The following ARID1B variants were observed in gnomAD, a reference collection of about 807,000 sequenced individuals.
ARID1B encodes the protein AT-rich interactive domain-containing protein 1B.
ARID1B carries 30 observed loss-of-function variants against 212.3 expected under a neutral mutation model. The ratio of observed to expected loss-of-function variants is 0.14; its 90% CI spans 0.11 to 0.19. The LOEUF is 0.19. Among genes scored for constraint, ARID1B ranks in the 10% least tolerant of loss-of-function variants. The pLI, the probability that ARID1B is intolerant of heterozygous loss-of-function variation, is 1.00. For missense variants in ARID1B, 2,891 were observed against 3,204.0 expected (o/e 0.90, Z 2.36); for synonymous variants, 1,402 against 1,301.7 (o/e 1.08, Z -1.66).
intron 4 of ARID1B, among the ~76,000 whole-genome samples, chr6:157,021,228 C>G (rs1424098578): frequency 1.3e-5 from 2 of 152,238 alleles, no homozygotes; most frequent in African/African-American, 4.8e-5. Flanking sequence ...GCCTTGGTTT[C>G]TTTTGTTTTA....
At chr6:156,857,293 C>A (rs956676178) in intron 2 of ARID1B, among the ~76,000 whole-genome samples, 29 of 152,280 alleles carry the variant, frequency 1.9e-4, no homozygotes, top group Non-Finnish European at 4.0e-4. Context: ...GATTCTGTCA[C>A]CCGCAATTTC....
chr6:157,061,825 T>TA (rs1783360675), intron 4 of ARID1B, among the ~76,000 whole-genome samples: 1 of 152,178 alleles, frequency 6.6e-6, no homozygotes, highest in African/African-American at 2.4e-5. Flanking sequence ...TTTCACAGCA[T>TA]AAAAAAGCCT....
intron 1 of ARID1B, among the ~76,000 whole-genome samples, chr6:156,813,229 G>C (rs531825704): frequency 7.1e-4 from 106 of 149,896 alleles, no homozygotes; most frequent in Middle Eastern, 3.5e-3. Flanking sequence ...TCAGCCTCCC[G>C]AGTAGCTACA....
chr6:156,994,024 C>T (rs933813930), intron 4 of ARID1B, among the ~76,000 whole-genome samples: 1 of 152,164 alleles, frequency 6.6e-6, no homozygotes, highest in Non-Finnish European at 1.5e-5. Context: ...TATGTAGGAA[C>T]GTGAAGTTTG....
chr6:157,052,114 G>A (rs1782647513), intron 4 of ARID1B, among the ~76,000 whole-genome samples: 1 of 152,156 alleles, frequency 6.6e-6, no homozygotes, highest in Admixed American at 6.5e-5. Flanking sequence ...AATGACGTAG[G>A]AAAATGTCTC....
intron 4 of ARID1B, among the ~76,000 whole-genome samples, chr6:157,017,959 T>C (rs1780002990): frequency 1.5e-5 from 1 of 68,890 alleles, no homozygotes; most frequent in Non-Finnish European, 3.0e-5. Context: ...AGACACCATC[T>C]CTACAAAAAA....
At chr6:157,087,856 G>A (rs1339252707) in intron 5 of ARID1B, among the ~76,000 whole-genome samples, 5 of 151,324 alleles carry the variant, frequency 3.3e-5, no homozygotes, top group Non-Finnish European at 7.4e-5. Flanking sequence ...AGAAGGTTAA[G>A]AGGAAGACCG....
chr6:156,872,518 G>A (rs1028085918), intron 2 of ARID1B, among the ~76,000 whole-genome samples: 3 of 151,906 alleles, frequency 2.0e-5, no homozygotes, highest in Non-Finnish European at 4.4e-5. Context: ...ATGGGGTTTC[G>A]TCATGTTGGC....
intron 3 of ARID1B, among the ~76,000 whole-genome samples, chr6:156,903,273 T>C (rs1212822599): frequency 1.3e-5 from 2 of 152,240 alleles, no homozygotes; most frequent in African/African-American, 4.8e-5. Context: ...GTCTATCTTA[T>C]GCTTTGATTA....
At chr6:157,159,383 T>C (rs1333315328) in intron 8 of ARID1B, among the ~76,000 whole-genome samples, 1 of 152,204 alleles carries the variant, frequency 6.6e-6, no homozygotes, top group Admixed American at 6.5e-5. Flanking sequence ...TCAGAACCCC[T>C]GAGCTCTATT....
At chr6:156,846,225 G>T (rs1043824545) in intron 2 of ARID1B, among the ~76,000 whole-genome samples, 1 of 151,952 alleles carries the variant, frequency 6.6e-6, no homozygotes, top group Non-Finnish European at 1.5e-5. Context: ...CACAATCTCC[G>T]CTCACTGCAA....
rs540282541 is a variant in ARID1B, at chr6:156,908,934, G to A, written c.2136+7409G>A. Among the ~76,000 whole-genome samples the A allele has an allele frequency of 5.9e-5, 9 of 152,042 alleles. No homozygotes were observed. In the South Asian group the frequency reaches 1.9e-3, roughly 32 times the overall value. ...ACAGATACACAGAATGACATAATGA[G>A]CACTCCTATGCCCTCACGTAGTTTT... On this transcript the variant is annotated intron_variant, in intron 3 of 19. Coordinates refer to ENST00000636930, the MANE Select transcript of ARID1B (RefSeq NM_001374828.1).
At chr6:157,197,255 C>T (rs1198823199) in intron 16 of ARID1B, among the ~76,000 whole-genome samples, 2 of 152,228 alleles carry the variant, frequency 1.3e-5, no homozygotes, top group Non-Finnish European at 2.9e-5. Context: ...TTTCCCTCCC[C>T]GGAGCCACAG....
intron 4 of ARID1B, among the ~76,000 whole-genome samples, chr6:156,972,132 T>C (rs1342492059): frequency 1.3e-5 from 2 of 152,216 alleles, no homozygotes; most frequent in African/African-American, 4.8e-5. Context: ...AAAATAGTTC[T>C]TTTTATTTTA....
In ARID1B at chr6:157,203,816, T is replaced by C. The variant is rs1205848370; in HGVS notation, c.5264-50T>C. 6.2e-7 allele frequency: 1 copy of C among 1,606,818 alleles called. No homozygotes were observed. The highest frequency in any genetic ancestry group is 8.5e-7 in the Non-Finnish European group (1 of 1,174,798). On this transcript the variant is annotated intron_variant, in intron 18 of 19. Transcript: ENST00000636930. The surrounding 1 kb of genome is among the most constrained non-coding windows in gnomAD (Gnocchi z 4.4). ...TACTCTTTCGTTAACTTTCGTTCTT[T>C]CATGCATAGAGTCAACATTCATGAT...
intron 3 of ARID1B, among the ~76,000 whole-genome samples, chr6:156,905,367 A>T (rs1004548990): frequency 6.6e-6 from 1 of 151,998 alleles, no homozygotes; most frequent in African/African-American, 2.4e-5. Context: ...TGGTAAGCCG[A>T]TGGTCTGATG....
chr6:157,058,946 A>C (rs1362343766), intron 4 of ARID1B, among the ~76,000 whole-genome samples: 1 of 152,218 alleles, frequency 6.6e-6, no homozygotes, highest in Non-Finnish European at 1.5e-5. Context: ...ATGAATAGGC[A>C]GATCTAGCTG....
intron 8 of ARID1B, among the ~76,000 whole-genome samples, chr6:157,155,064 T>A (rs144422289): frequency 5.3e-5 from 8 of 152,288 alleles, no homozygotes; most frequent in African/African-American, 1.4e-4. Flanking sequence ...TTATCTGAAT[T>A]TCGTTACCTC....
Position 156,915,211 on chromosome 6 carries a change from A to G in ARID1B, c.2136+13686A>G, listed in dbSNP as rs139099956. On this transcript the variant is annotated intron_variant, in intron 3 of 19. Coordinates refer to ENST00000636930, the MANE Select transcript of ARID1B (RefSeq NM_001374828.1). ...TTTATAGCTGGTTCCTTTGTGCAGTATAGATGCATGTATGTGAGCAAACAG... is the reference window on the plus strand; with the variant it reads ...TTTATAGCTGGTTCCTTTGTGCAGTGTAGATGCATGTATGTGAGCAAACAG... Among the ~76,000 whole-genome samples, 173 of 152,310 alleles carry G rather than the reference A, an allele frequency of 1.1e-3. 2 individuals carry two copies. Among genetic ancestry groups the G allele is most frequent in the East Asian group, 9.5e-3 (49 of 5,176 alleles).
Sources: allele counts gnomAD v4.1 joint callset (sites outside exome capture counted in the v4.1 genomes callset), GRCh38; gene constraint gnomAD v4.1.1; non-coding constraint Gnocchi (gnomAD v3.1); transcripts MANE v1.5; gene names NCBI Gene and HGNC (gene_info 2026-07-23, HGNC 2026-07-21).